Variants in CFAP299 observed in about 807,000 individuals in gnomAD.
CFAP299 encodes the protein cilia and flagella associated protein 299.
CFAP299 carries 21 observed loss-of-function variants against 27.0 expected under a neutral mutation model. The observed-to-expected ratio is 0.78, with a 90% CI of 0.55 to 1.12. CFAP299 has a LOEUF of 1.12. CFAP299 is among the 50% of genes most tolerant of loss of function. CFAP299 has a pLI of 0.00. For synonymous variants in CFAP299, 104 were observed against 98.1 expected (o/e 1.06, Z -0.36); for missense variants, 310 against 276.6 (o/e 1.12, Z -0.86).
At chr4:80,477,404 T>C (rs1730335689) in intron 2 of CFAP299, among the ~76,000 whole-genome samples, 1 of 152,172 alleles carries the variant, frequency 6.6e-6, no homozygotes, top group Non-Finnish European at 1.5e-5. Context: ...CTTTGCTTTC[T>C]GTCACTCTCT....
intron 3 of CFAP299, among the ~76,000 whole-genome samples, chr4:80,796,614 C>G (rs2110102556): frequency 6.6e-6 from 1 of 152,190 alleles, no homozygotes; most frequent in South Asian, 2.1e-4. Flanking sequence ...CCAGCAGCTG[C>G]AATTGGAGTC....
At chr4:80,364,042 GC>G (rs1223813036) in intron 2 of CFAP299, among the ~76,000 whole-genome samples, 1 of 142,692 alleles carries the variant, frequency 7.0e-6, no homozygotes, top group African/African-American at 2.7e-5. Flanking sequence ...AGCCAAGATC[GC>G]GCCACTGCAC....
intron 4 of CFAP299, among the ~76,000 whole-genome samples, chr4:80,892,948 G>A (rs1311472383): frequency 6.6e-6 from 1 of 151,790 alleles, no homozygotes; most frequent in African/African-American, 2.4e-5. Flanking sequence ...ATCTCTATTT[G>A]CAGATGACAT....
chr4:80,737,398 A>G (rs1191520660), intron 3 of CFAP299, among the ~76,000 whole-genome samples: 1 of 152,206 alleles, frequency 6.6e-6, no homozygotes, highest in Non-Finnish European at 1.5e-5. Context: ...AGAATTCAGC[A>G]GTGAATCCAT....
At chr4:80,734,248 T>C (rs1024477080) in intron 3 of CFAP299, among the ~76,000 whole-genome samples, 1 of 152,156 alleles carries the variant, frequency 6.6e-6, no homozygotes, top group Non-Finnish European at 1.5e-5. Flanking sequence ...TATGCCTGCT[T>C]GCCATTTGTA....
At chr4:80,403,249 A>G (rs1726250580) in intron 2 of CFAP299, among the ~76,000 whole-genome samples, 1 of 152,248 alleles carries the variant, frequency 6.6e-6, no homozygotes, top group Non-Finnish European at 1.5e-5. Flanking sequence ...GGAGAAGCTC[A>G]CAACAATAAA....
chr4:80,509,514 T>A (rs1732194043), intron 2 of CFAP299, among the ~76,000 whole-genome samples: 1 of 152,204 alleles, frequency 6.6e-6, no homozygotes, highest in Non-Finnish European at 1.5e-5. Flanking sequence ...CATTTTAGTT[T>A]TCTTTACTCA....
intron 1 of CFAP299, among the ~76,000 whole-genome samples, chr4:80,340,883 T>A (rs191696605): frequency 2.6e-5 from 4 of 152,170 alleles, no homozygotes; most frequent in Admixed American, 2.6e-4. Context: ...TCAAGCAATT[T>A]TACTGCCCCA....
intron 3 of CFAP299, among the ~76,000 whole-genome samples, chr4:80,730,270 GTGTGTGTGTA>G (rs1205649035): frequency 4.0e-5 from 6 of 150,062 alleles, no homozygotes; most frequent in African/African-American, 1.2e-4. Context: ...GTGTGTGTGT[GTGTGTGTGTA>G]TGTGTGTGTG....
At chr4:80,680,454 A>T (rs1240346003) in intron 3 of CFAP299, among the ~76,000 whole-genome samples, 1 of 152,000 alleles carries the variant, frequency 6.6e-6, no homozygotes, top group Non-Finnish European at 1.5e-5. Flanking sequence ...TCATATTTTC[A>T]TCTCGATACC....
chr4:80,659,041 G>A (rs921457730), intron 3 of CFAP299, among the ~76,000 whole-genome samples: 16 of 152,194 alleles, frequency 1.1e-4, no homozygotes, highest in Non-Finnish European at 1.3e-4. Context: ...CAGACTTTAT[G>A]AAATATTTAA....
chr4:80,468,680 C>T (rs2110113508), intron 2 of CFAP299, among the ~76,000 whole-genome samples: 1 of 151,202 alleles, frequency 6.6e-6, no homozygotes, highest in East Asian at 2.0e-4. Context: ...ACTAAAAATA[C>T]AAAAATTAGC....
In CFAP299 at chr4:80,483,921, G is replaced by T. The variant is rs201698620; in HGVS notation, c.243-99172G>T. ...TAACATTTGACTTTTTAGCAGTAGT[G>T]TTGAAAGCATTAACTTTTTTAACTG... On this transcript the variant is annotated intron_variant, in intron 2 of 5. Coordinates refer to ENST00000358105, the MANE Select transcript of CFAP299 (RefSeq NM_152770.3). 5.9e-5 allele frequency among the ~76,000 whole-genome samples: 9 copies of T among 152,278 alleles called. No individual in the cohort carries two copies. In the East Asian group the frequency reaches 1.5e-3, roughly 26 times the overall value.
intron 3 of CFAP299, among the ~76,000 whole-genome samples, chr4:80,814,702 T>C (rs971203430): frequency 2.6e-5 from 4 of 151,432 alleles, no homozygotes; most frequent in African/African-American, 9.7e-5. Context: ...AATAAAGGTA[T>C]AAAAATCTTT....
chr4:80,553,204 C>T (rs932585348), intron 2 of CFAP299, among the ~76,000 whole-genome samples: 1 of 152,064 alleles, frequency 6.6e-6, no homozygotes, highest in African/African-American at 2.4e-5. Flanking sequence ...TCTTTGTGTT[C>T]ATGAGTTCTC....
intron 3 of CFAP299, among the ~76,000 whole-genome samples, chr4:80,770,436 G>GT (rs142576777): frequency 0.1 from 15,468 of 151,988 alleles, 923 homozygotes; most frequent in Middle Eastern, 0.2. Context: ...TGAAAGCTGT[G>GT]TTTTCTACAT....
At chr4:80,551,236 A>C (rs1437477614) in intron 2 of CFAP299, among the ~76,000 whole-genome samples, 1 of 152,208 alleles carries the variant, frequency 6.6e-6, no homozygotes, top group African/African-American at 2.4e-5. Context: ...AAAATATGCC[A>C]TATTAGGGTT....
intron 2 of CFAP299, among the ~76,000 whole-genome samples, chr4:80,502,711 C>CGTT (rs1359184349): frequency 6.6e-6 from 1 of 152,042 alleles, no homozygotes; most frequent in Non-Finnish European, 1.5e-5. Context: ...TCTGCCTAAA[C>CGTT]TCACTGTGAT....
At chr4:80,877,328 G>A (rs530368954) in intron 4 of CFAP299, among the ~76,000 whole-genome samples, 1 of 152,218 alleles carries the variant, frequency 6.6e-6, no homozygotes, top group African/African-American at 2.4e-5. Context: ...TTCAGAAATA[G>A]AGCAGAGATC....
Sources: gnomAD v4.1 joint callset for allele counts (sites outside exome capture counted in the v4.1 genomes callset) on GRCh38, gnomAD v4.1.1 for gene constraint, MANE v1.5 for transcripts, NCBI Gene and HGNC (gene_info 2026-07-23, HGNC 2026-07-21) for gene names.